TRIP11: variants seen among roughly 807,000 people sequenced by gnomAD.
TRIP11 encodes thyroid hormone receptor interactor 11.
Under a neutral mutation model 223.1 loss-of-function variants are expected in TRIP11, and 148 were observed. The ratio of observed to expected loss-of-function variants is 0.66; its 90% confidence interval spans 0.58 to 0.76. TRIP11 has a LOEUF of 0.76. TRIP11 is among the 30% of genes least tolerant of loss of function. The pLI is 0.00. For synonymous variants in TRIP11, 762 were observed against 772.6 expected (o/e 0.99, Z 0.23); for missense variants, 2,043 against 2,222.0 (o/e 0.92, Z 1.62).
chr14:92,031,613 A>G (rs2057266195), intron 2 of TRIP11, among the ~76,000 whole-genome samples: 2 of 152,184 alleles, frequency 1.3e-5, no homozygotes, highest in African/African-American at 4.8e-5. Flanking sequence ...TAGAAGTAAT[A>G]ATAACCTGAA....
Position 92,003,679 on chromosome 14 carries a change from T to G in TRIP11, c.4297A>C (p.Lys1433Gln). 6.2e-7 allele frequency: 1 copy of G among 1,614,200 alleles called. No homozygotes were observed. The highest frequency in any genetic ancestry group is 8.5e-7 in the Non-Finnish European group (1 of 1,180,024). The change falls in exon 11 of 21, where the codon AAA becomes CAA. Residue 1433 changes from lysine to glutamine, a missense_variant. By Grantham distance (53) the Lys-to-Gln change is moderately conservative. Coordinates refer to ENST00000267622, the MANE Select transcript of TRIP11 (RefSeq NM_004239.4). ...CTCAAAAGTTCGTTTTCATTTACTT[T>G]GTTAGTGAAATTTTCATTGGAAGAA... is the stretch of plus-strand genomic sequence containing the variant. The part of the protein sequence containing the change: ...LLSSNENFTN[K>Q]VNENELLRQA...
chr14:92,006,051 G>C lies in TRIP11; in HGVS notation c.1925C>G (p.Thr642Ser). ...NQDSNSNFKD[T>S]LLKEREAEVR... ...TTCAGCTTCTCTTTCTTTAAGTAAG[G>C]TATCCTTAAAATTACTATTAGAGTC... Residue 642 changes from threonine to serine, a missense_variant, in exon 11 of 21, where the codon ACC becomes AGC. Thr to Ser is a moderately conservative substitution (Grantham distance 58). Transcript: ENST00000267622. 6.3e-7 allele frequency: 1 copy of C among 1,582,512 alleles called. No homozygotes were observed. The highest frequency in any genetic ancestry group is 8.6e-7 in the Non-Finnish European group (1 of 1,169,328).
Position 92,012,795 on chromosome 14 carries a change from T to C in TRIP11, c.1187-1000A>G, listed in dbSNP as rs74073690. Among the ~76,000 whole-genome samples the C allele has an allele frequency of 6.3e-3, 959 of 152,246 alleles. 12 individuals carry two copies. The highest frequency in any genetic ancestry group is 0.021 in the African/African-American group (888 of 41,544). On this transcript the variant is annotated intron_variant, in intron 7 of 20. Transcript: ENST00000267622. ...TGAAACTGAAGAGATAGGCAGGAAC[T>C]AGATCATGAGAGACATTATCATGTC... is the stretch of plus-strand genomic sequence containing the variant.
At chr14:92,034,119 T>C (rs1184244224) in intron 1 of TRIP11, among the ~76,000 whole-genome samples, 1 of 152,156 alleles carries the variant, frequency 6.6e-6, no homozygotes, top group Non-Finnish European at 1.5e-5. Context: ...TTGAAATGCA[T>C]GAGGCTAGAA....
chr14:91,972,024 T>A (rs1456038321), intron 20 of TRIP11, among the ~76,000 whole-genome samples: 2 of 152,200 alleles, frequency 1.3e-5, no homozygotes, highest in African/African-American at 4.8e-5. Flanking sequence ...AATAAAGAAT[T>A]TGTTTATAGT....
chr14:92,039,843 C>T lies in TRIP11; in HGVS notation c.-158G>A. The T allele has an allele frequency of 6.7e-7, 1 of 1,484,624 alleles. No homozygotes were observed. 92.0% of individuals were successfully genotyped at this position (1,484,624 alleles called of 1,614,324 possible). ...CAGGCAAGGCCGACTCCAGGTTCTGCCTAGAAACGCAGAGGCCTGGCCTGG... is the reference window on the plus strand; with the variant it reads ...CAGGCAAGGCCGACTCCAGGTTCTGTCTAGAAACGCAGAGGCCTGGCCTGG... On this transcript the variant is annotated 5_prime_UTR_variant, in exon 1 of 21. Coordinates refer to ENST00000267622, the MANE Select transcript of TRIP11 (RefSeq NM_004239.4).
At chr14:92,000,723 T>C (rs1050864376) in intron 11 of TRIP11, among the ~76,000 whole-genome samples, 1 of 152,196 alleles carries the variant, frequency 6.6e-6, no homozygotes, top group African/African-American at 2.4e-5. Flanking sequence ...GTGCGTGCTG[T>C]CCATTCATAA....
In TRIP11 at chr14:92,005,404, T is replaced by A; in HGVS notation, c.2572A>T (p.Met858Leu). Reference sequence around the variant, plus strand: ...TGCAGATGATTATTTTCCTCTTTCATGGATCCAAGACTTCGGTCTTTTTCC... The same window carrying A: ...TGCAGATGATTATTTTCCTCTTTCAAGGATCCAAGACTTCGGTCTTTTTCC... ...IEEKDRSLGSMKEENNHLQEE... is the reference protein window; with the variant it reads ...IEEKDRSLGSLKEENNHLQEE... The change falls in exon 11 of 21, where the codon ATG (methionine) becomes TTG (leucine). Residue 858 changes from methionine (M) to leucine (L), a missense_variant. By Grantham distance (15) the Met-to-Leu change is conservative. Coordinates refer to ENST00000267622, the MANE Select transcript of TRIP11 (RefSeq NM_004239.4). The A allele has an allele frequency of 1.2e-6, 2 of 1,614,182 alleles. No individual in the cohort carries two copies. Among genetic ancestry groups the A allele is most frequent in the South Asian group, 2.2e-5 (2 of 91,082 alleles).
intron 1 of TRIP11, among the ~76,000 whole-genome samples, chr14:92,035,079 T>G (rs1415631372): frequency 2.0e-5 from 3 of 150,506 alleles, no homozygotes; most frequent in African/African-American, 7.4e-5. Flanking sequence ...CCAAGGCAGG[T>G]GGATCACTTG....
At chr14:91,974,528 T>C (rs2056439091) in intron 19 of TRIP11, 99 bp downstream of exon 19, 2 of 993,178 alleles carry the variant, frequency 2.0e-6, no homozygotes, top group African/African-American at 3.2e-5. Flanking sequence ...AAAAGGGTTG[T>C]ATAAAATAAT....
At chr14:92,007,593 T>A in intron 10 of TRIP11, 47 bp downstream of exon 10, 1 of 1,585,642 alleles carries the variant, frequency 6.3e-7, no homozygotes, top group South Asian at 1.1e-5. Context: ...CTGTGTTTAG[T>A]TTACTTAGTA....
At chr14:92,001,795 G>A (rs1250792414) in intron 11 of TRIP11, among the ~76,000 whole-genome samples, 1 of 152,120 alleles carries the variant, frequency 6.6e-6, no homozygotes, top group Non-Finnish European at 1.5e-5. Flanking sequence ...GCCAATTTGG[G>A]CTAGTGAACA....
rs763505251 is a variant in TRIP11, at chr14:92,004,631, T to A, written c.3345A>T (p.Leu1115=). Residue 1115 remains leucine, a synonymous_variant, in exon 11 of 21, where the codon CTA becomes CTT. Transcript: ENST00000267622. The part of the protein sequence containing the change: ...LNEKTRENSH[L]KTEYHKMMDI... ...CCATCATTTTGTGATATTCTGTTTTTAGATGGCTATTTTCCCTAGTCTTCT... is the reference window on the plus strand; with the variant it reads ...CCATCATTTTGTGATATTCTGTTTTAAGATGGCTATTTTCCCTAGTCTTCT... 1.9e-6 allele frequency: 3 copies of A among 1,614,176 alleles called. No individual in the cohort carries two copies. The highest frequency in any genetic ancestry group is 2.5e-6 in the Non-Finnish European group (3 of 1,180,022).
chr14:92,039,473 T>C (rs2057359390), intron 1 of TRIP11, 74 bp downstream of exon 1: 1 of 1,547,468 alleles, frequency 6.5e-7, no homozygotes, highest in Admixed American at 1.7e-5. Context: ...GTCTCCTGAC[T>C]GATGGAAGTA....
chr14:91,980,679 T>A (rs991356806), intron 16 of TRIP11, among the ~76,000 whole-genome samples: 12 of 151,760 alleles, frequency 7.9e-5, no homozygotes, highest in African/African-American at 2.9e-4. Flanking sequence ...TTTTGTGAGG[T>A]TTTCCCCCCT....
intron 1 of TRIP11, among the ~76,000 whole-genome samples, chr14:92,034,312 A>G (rs779686740): frequency 1.8e-4 from 27 of 152,112 alleles, no homozygotes; most frequent in Non-Finnish European, 4.0e-4. Context: ...AATCCCAGCT[A>G]CTCAGGAGGC....
At chr14:92,033,401 CA>C (rs910596385) in intron 1 of TRIP11, 148 bp from the exon 2 acceptor site, 14 of 658,408 alleles carry the variant, frequency 2.1e-5, no homozygotes, top group Non-Finnish European at 2.9e-5. Context: ...GCTTTATTTC[CA>C]TAACAACTTT....
At chr14:92,006,488 T>C in intron 10 of TRIP11, 40 bp from the exon 11 acceptor site, 1 of 1,605,026 alleles carries the variant, frequency 6.2e-7, no homozygotes, top group South Asian at 1.1e-5. Flanking sequence ...CAACATGTTC[T>C]CATTTTAGTA....
chr14:91,969,479 A>ATT lies in TRIP11; in HGVS notation c.*192_*193dup, dbSNP rs1387992031. On this transcript the variant is annotated 3_prime_UTR_variant, in exon 21 of 21. Coordinates refer to ENST00000267622, the MANE Select transcript of TRIP11 (RefSeq NM_004239.4). Reference sequence around the variant, plus strand: ...GGTCAAATCAGAAGGAATAAAGCAGATTATATAGCAAACACTTGCTCCTGA... The same window carrying ATT: ...GGTCAAATCAGAAGGAATAAAGCAGATTTTATATAGCAAACACTTGCTCCTGA... 1.6e-6 allele frequency: 1 copy of ATT among 636,208 alleles called. No homozygotes were observed. Among genetic ancestry groups the ATT allele is most frequent in the Non-Finnish European group, 2.8e-6 (1 of 355,350 alleles). 39.4% of individuals were successfully genotyped at this position (636,208 alleles called of 1,614,324 possible). A position where few individuals can be genotyped will look rare whatever the true frequency, so the allele number is the denominator to read the frequency against.
Sources: gnomAD v4.1 joint callset for allele counts (sites outside exome capture counted in the v4.1 genomes callset) on GRCh38, gnomAD v4.1.1 for gene constraint, MANE v1.5 for transcripts, NCBI Gene and HGNC (gene_info 2026-07-23, HGNC 2026-07-21) for gene names.